The following TENM3 variants were observed in gnomAD, a reference collection of about 807,000 sequenced individuals.
The protein encoded by TENM3 is teneurin transmembrane protein 3, also known as teneurin-3.
Under a neutral mutation model 255.1 loss-of-function variants are expected in TENM3, and 63 were observed. The ratio of observed to expected loss-of-function variants is 0.25; its 90% CI spans 0.20 to 0.30. The LOEUF is 0.30. Ranked by LOEUF, TENM3 falls within the 10% of genes least tolerant of loss-of-function variation. The pLI is 1.00. For synonymous variants in TENM3, 1,306 were observed against 1,322.3 expected (o/e 0.99, Z 0.27); for missense variants, 2,929 against 3,461.1 (o/e 0.85, Z 3.86).
chr4:182,157,464 G>A (rs1465892634), intron 1 of TENM3, among the ~76,000 whole-genome samples: 1 of 152,160 alleles, frequency 6.6e-6, no homozygotes, highest in Non-Finnish European at 1.5e-5. Context: ...ACAGTGCCTG[G>A]CCCTGAAGAG....
chr4:182,729,144 A>G lies in TENM3; in HGVS notation c.2548A>G (p.Thr850Ala), dbSNP rs1389686117. ...RISFLIGSDS[T>A]HVIPGESPFN... ...CAGTTTCCTTATAGGATCTGATAGC[A>G]CCCATGTTATACCTGGAGAAAGTCC... is the stretch of plus-strand genomic sequence containing the variant. Residue 850 changes from threonine to alanine, a missense_variant, in exon 14 of 28, where the codon ACC (threonine) becomes GCC (alanine). Thr to Ala is a moderately conservative substitution (Grantham distance 58). Coordinates refer to ENST00000511685, the MANE Select transcript of TENM3 (RefSeq NM_001080477.4). 1.2e-6 allele frequency: 2 copies of G among 1,613,948 alleles called. No individual in the cohort carries two copies. The highest frequency in any genetic ancestry group is 1.7e-6 in the Non-Finnish European group (2 of 1,179,876).
intron 3 of TENM3, among the ~76,000 whole-genome samples, chr4:182,556,601 T>C (rs1405711362): frequency 2.0e-5 from 3 of 152,250 alleles, no homozygotes. Context: ...TTATAAGTTT[T>C]ACTTACATAG....
the TENM3 span, among the ~76,000 whole-genome samples, chr4:181,560,674 G>A: frequency 1.3e-5 from 2 of 152,108 alleles, no homozygotes; most frequent in Non-Finnish European, 2.9e-5. Flanking sequence ...TTCCACATCA[G>A]CAGCACAACT....
chr4:182,651,237 C>T (rs6850978), intron 5 of TENM3, among the ~76,000 whole-genome samples: 64,602 of 151,970 alleles, frequency 0.43, 14,671 homozygotes, highest in East Asian at 0.85. Flanking sequence ...GTTCAAAACT[C>T]GTGAAGCATC....
chr4:181,964,684 G>C, the TENM3 span, among the ~76,000 whole-genome samples: 1 of 152,062 alleles, frequency 6.6e-6, no homozygotes, highest in Non-Finnish European at 1.5e-5. Context: ...TTGGTATACT[G>C]CATGCACTGC....
chr4:182,659,124 G>A (rs1754000478), intron 6 of TENM3, among the ~76,000 whole-genome samples: 2 of 152,180 alleles, frequency 1.3e-5, no homozygotes, highest in African/African-American at 4.8e-5. Flanking sequence ...CATTGCACAA[G>A]GGCACGTGGG....
chr4:182,786,096 C>T (rs940355358), intron 24 of TENM3, among the ~76,000 whole-genome samples: 11 of 152,212 alleles, frequency 7.2e-5, no homozygotes, highest in Admixed American at 2.6e-4. Context: ...AAGAAAGGCA[C>T]GGCATCCAGT....
At chr4:182,233,928 C>G (rs772811253) in intron 1 of TENM3, among the ~76,000 whole-genome samples, 3 of 152,234 alleles carry the variant, frequency 2.0e-5, no homozygotes, top group Non-Finnish European at 4.4e-5. Context: ...GGTTAAGTCA[C>G]TCTTTACGCC....
the TENM3 span, among the ~76,000 whole-genome samples, chr4:181,968,529 G>A: frequency 6.6e-6 from 1 of 151,960 alleles, no homozygotes; most frequent in Admixed American, 6.6e-5. Flanking sequence ...TGCTTCCAGC[G>A]TTTTCCTCTT....
the TENM3 span, among the ~76,000 whole-genome samples, chr4:181,515,567 T>C: frequency 2.6e-5 from 4 of 152,078 alleles, no homozygotes; most frequent in African/African-American, 7.2e-5. Flanking sequence ...GACATTTAAA[T>C]GTGCTCTTCT....
the TENM3 span, among the ~76,000 whole-genome samples, chr4:181,798,645 G>T: frequency 6.6e-6 from 1 of 152,132 alleles, no homozygotes; most frequent in Non-Finnish European, 1.5e-5. Flanking sequence ...GTTTCAGATT[G>T]CTTCACGTAT....
the TENM3 span, among the ~76,000 whole-genome samples, chr4:181,856,144 GAAGGAAGGAA>G: frequency 7.2e-6 from 1 of 138,978 alleles, no homozygotes; most frequent in Admixed American, 7.1e-5. Context: ...AAGAAGGAAG[GAAGGAAGGAA>G]AGGGAAGGAA....
At chr4:181,601,082 C>T in the TENM3 span, among the ~76,000 whole-genome samples, 7 of 152,250 alleles carry the variant, frequency 4.6e-5, no homozygotes, top group Admixed American at 1.3e-4. Context: ...GCAATACTAC[C>T]GGTGCACATC....
At chr4:182,773,074 G>T (rs995551136) in intron 22 of TENM3, among the ~76,000 whole-genome samples, 1 of 152,272 alleles carries the variant, frequency 6.6e-6, no homozygotes, top group African/African-American at 2.4e-5. Flanking sequence ...GCCACCGAGG[G>T]AGTAAGTCAG....
the TENM3 span, among the ~76,000 whole-genome samples, chr4:181,934,303 G>A: frequency 4.1e-3 from 628 of 152,116 alleles, 6 homozygotes; most frequent in African/African-American, 0.015. Flanking sequence ...TTTAAAAGGC[G>A]GTGCATATTA....
chr4:182,757,244 G>A (rs1360021205), intron 22 of TENM3, among the ~76,000 whole-genome samples: 7 of 149,944 alleles, frequency 4.7e-5, no homozygotes, highest in African/African-American at 1.7e-4. Context: ...CCCGGGAGGT[G>A]GAGGTTGCAG....
At chr4:181,588,952 C>T in the TENM3 span, among the ~76,000 whole-genome samples, 15 of 152,226 alleles carry the variant, frequency 9.9e-5, no homozygotes, top group Middle Eastern at 3.4e-3. Context: ...CCAGTTCTAG[C>T]GGCTATGAGA....
At chr4:181,870,749 G>A in the TENM3 span, among the ~76,000 whole-genome samples, 1 of 152,038 alleles carries the variant, frequency 6.6e-6, no homozygotes, top group Non-Finnish European at 1.5e-5. Context: ...TTTTCATTCA[G>A]TTAGTGACTT....
intron 1 of TENM3, among the ~76,000 whole-genome samples, chr4:182,211,744 T>C (rs1755055985): frequency 6.6e-6 from 1 of 152,208 alleles, no homozygotes; most frequent in South Asian, 2.1e-4. Context: ...TGGAACTGCT[T>C]TCTGATTTAC....
Sources: allele counts gnomAD v4.1 joint callset (sites outside exome capture counted in the v4.1 genomes callset), GRCh38; gene constraint gnomAD v4.1.1; transcripts MANE v1.5; gene names NCBI Gene and HGNC (gene_info 2026-07-23, HGNC 2026-07-21).